SLC9A3: variants seen among roughly 807,000 people sequenced by gnomAD.
SLC9A3 encodes solute carrier family 9 member A3.
A neutral mutation model predicts 86.8 loss-of-function variants in SLC9A3; 37 were observed. The ratio of observed to expected loss-of-function variants is 0.43; its 90% CI spans 0.33 to 0.56. The LOEUF (loss-of-function observed/expected upper bound fraction) is 0.56. SLC9A3 is among the 20% of genes least tolerant of loss of function. SLC9A3 has a pLI of 0.06. For missense variants in SLC9A3, 1,011 were observed against 1,171.9 expected, an observed-to-expected ratio of 0.86 and a Z score of 2.00; for synonymous variants, 581 against 528.3, an observed-to-expected ratio of 1.10 and a Z score of -1.37.
chr5:485,166 G>T lies in SLC9A3; in HGVS notation c.741C>A (p.Cys247Ter). The change falls in exon 4 of 17, where the codon TGC (cysteine) becomes TGA (stop). Residue 247 changes from cysteine to a stop codon, truncating the protein, a stop_gained. Coordinates refer to ENST00000264938, the MANE Select transcript of SLC9A3 (RefSeq NM_004174.4). LOFTEE classifies it high-confidence loss of function. Reference sequence around the variant, plus strand: ...ACAGCTACACACCTATGCCCTTCACGCAGTCCACGCCAGTCACGTTGTCAC... The same window carrying T: ...ACAGCTACACACCTATGCCCTTCACTCAGTCCACGCCAGTCACGTTGTCAC... The part of the protein sequence containing the change: ...LGGDNVTGVD[C>*]VKGIVSFFVV... The T allele has an allele frequency of 6.2e-7, 1 of 1,613,164 alleles. No individual in the cohort carries two copies. The highest frequency in any genetic ancestry group is 8.5e-7 in the Non-Finnish European group (1 of 1,179,292).
At chr5:494,569 T>C (rs1739934435) in intron 1 of SLC9A3, among the ~76,000 whole-genome samples, 1 of 152,174 alleles carries the variant, frequency 6.6e-6, no homozygotes, top group Admixed American at 6.5e-5. Flanking sequence ...AGCCTCCTGA[T>C]TTTTTTAATA....
At position 492,046 on chromosome 5, in the gene SLC9A3, G is replaced by A. The variant is rs1352216296; in HGVS notation, c.237C>T (p.Thr79=). 1.9e-6 allele frequency: 3 copies of A among 1,545,054 alleles called. No homozygotes were observed. The highest frequency in any genetic ancestry group is 1.8e-6 in the Non-Finnish European group (2 of 1,142,546). Residue 79 remains threonine, a synonymous_variant, in exon 2 of 17, where the codon ACC becomes ACT. Transcript: ENST00000264938. ...KIGFHLSHKV[T]SVVPESALLI... is the part of the protein sequence containing the mutation. ...GCAGGGCGCTCTCGGGAACCACGCT[G>A]GTGACCTTGTGGGACAGGTGGAACC... is the stretch of plus-strand genomic sequence containing the variant.
At chr5:493,333 C>T (rs550772511) in intron 1 of SLC9A3, among the ~76,000 whole-genome samples, 3 of 152,346 alleles carry the variant, frequency 2.0e-5, no homozygotes, top group South Asian at 2.1e-4. Flanking sequence ...GCAGCGGGAG[C>T]GGGGAGGCTC....
chr5:512,135 A>T (rs4956947), intron 1 of SLC9A3, among the ~76,000 whole-genome samples: 1 of 152,178 alleles, frequency 6.6e-6, no homozygotes, highest in East Asian at 1.9e-4. Context: ...AGAGCACAGA[A>T]GATTTTTAGG....
chr5:521,242 G>A (rs1413749882), intron 1 of SLC9A3, among the ~76,000 whole-genome samples: 1 of 150,616 alleles, frequency 6.6e-6, no homozygotes, highest in East Asian at 1.9e-4. Flanking sequence ...AGCCAGACAC[G>A]CGGCCTGAGG....
intron 1 of SLC9A3, among the ~76,000 whole-genome samples, chr5:504,580 C>T (rs957530436): frequency 1.3e-5 from 2 of 152,316 alleles, no homozygotes; most frequent in African/African-American, 2.4e-5. Flanking sequence ...CTCACGGCCC[C>T]GCTGCCTCCT....
intron 1 of SLC9A3, among the ~76,000 whole-genome samples, chr5:512,713 TG>T (rs1733594167): frequency 6.6e-6 from 1 of 152,168 alleles, no homozygotes; most frequent in African/African-American, 2.4e-5. Context: ...CCGAAGCTGT[TG>T]GGGGGGCACT....
At chr5:481,491 C>T (rs1275407789) in intron 9 of SLC9A3, 74 bp downstream of exon 9, 3 of 1,279,680 alleles carry the variant, frequency 2.3e-6, no homozygotes, top group Admixed American at 1.7e-5. Flanking sequence ...CATGTGGCTT[C>T]TGGTTCTTCC....
At position 524,173 on chromosome 5, in the gene SLC9A3, G is replaced by T; in HGVS notation, c.150C>A (p.Ala50=). The T allele has an allele frequency of 6.5e-7, 1 of 1,548,644 alleles. No homozygotes were observed. The highest frequency in any genetic ancestry group is 8.7e-7 in the Non-Finnish European group (1 of 1,150,662). Residue 50 remains alanine, a synonymous_variant, in exon 1 of 17, where the codon GCC becomes GCA. Transcript: ENST00000264938. The part of the protein sequence containing the change: ...GGFQVVTFEW[A]HVQDPYVIAL... Reference sequence around the variant, plus strand: ...CGATGACGTAGGGATCCTGCACGTGGGCCCACTCGAAGGTGACCACCTGGA... The same window carrying T: ...CGATGACGTAGGGATCCTGCACGTGTGCCCACTCGAAGGTGACCACCTGGA...
Position 524,347 on chromosome 5 carries a change from G to A in SLC9A3, c.-25C>T. The A allele has an allele frequency of 9.3e-7, 1 of 1,081,026 alleles. No homozygotes were observed. Among genetic ancestry groups the A allele is most frequent in the Non-Finnish European group, 1.2e-6 (1 of 862,148 alleles). 67.0% of individuals were successfully genotyped at this position (1,081,026 alleles called of 1,614,324 possible). The stretch of plus-strand genomic sequence containing the variant: ...TTGCCGCCTGCTCAGCGCAGGGCTG[G>A]GACGCGCATGTCGCGGGGGGTCCCG... On this transcript the variant is annotated 5_prime_UTR_variant, in exon 1 of 17. Coordinates refer to ENST00000264938, the MANE Select transcript of SLC9A3 (RefSeq NM_004174.4).
rs1325840731 is a variant in SLC9A3 at position 475,633 on chromosome 5, C to T, written c.2179G>A (p.Asp727Asn). Residue 727 changes from aspartate to asparagine, a missense_variant, in exon 15 of 17, where the codon GAT (aspartate) becomes AAT (asparagine). This residue lies in a region of SLC9A3 where 397 missense variants were observed against 346.3 expected (regional missense o/e 1.15). Coordinates refer to ENST00000264938, the MANE Select transcript of SLC9A3 (RefSeq NM_004174.4). ...TCGATCCCCCCACTCATCTCCTCAT[C>T]ATAGTTGGGGGGCTCCTCGGTGTCT... Reference protein sequence around the residue: ...LSDTEEPPNYDEEMSGGIEFL... With the variant: ...LSDTEEPPNYNEEMSGGIEFL... 7 of 1,552,136 alleles carry T rather than the reference C, an allele frequency of 4.5e-6. No homozygotes were observed. In the Admixed American group the frequency reaches 1.2e-4, roughly 26 times the overall value.
chr5:483,075 C>T (rs1273295322), intron 6 of SLC9A3, among the ~76,000 whole-genome samples, 187 bp downstream of exon 6: 1 of 152,016 alleles, frequency 6.6e-6, no homozygotes, highest in Non-Finnish European at 1.5e-5. Context: ...AGTGGGAAAC[C>T]AAGTGGTTTC....
intron 3 of SLC9A3, among the ~76,000 whole-genome samples, chr5:487,824 C>T (rs559176156): frequency 6.7e-4 from 102 of 152,314 alleles, no homozygotes; most frequent in Non-Finnish European, 1.1e-3. Context: ...CGTGCCACCA[C>T]CCCTGGCTAA....
chr5:481,423 A>T, intron 9 of SLC9A3, 142 bp downstream of exon 9: 1 of 756,360 alleles, frequency 1.3e-6, no homozygotes, highest in Non-Finnish European at 2.3e-6. Context: ...CACACCTGGC[A>T]CCTGGCCTCA....
At chr5:483,239 G>A (rs1270348032) in intron 6 of SLC9A3, 23 bp downstream of exon 6, 6 of 1,521,032 alleles carry the variant, frequency 3.9e-6, no homozygotes, top group Non-Finnish European at 5.3e-6. Flanking sequence ...TGGTCCCACG[G>A]CCGCAACCCG....
chr5:512,840 G>A (rs902901285), intron 1 of SLC9A3, among the ~76,000 whole-genome samples: 61 of 152,250 alleles, frequency 4.0e-4, no homozygotes, highest in African/African-American at 1.4e-3. Context: ...CGGCACCCCT[G>A]GAGGAAGGGC....
chr5:506,806 G>T (rs377342015), intron 1 of SLC9A3, among the ~76,000 whole-genome samples: 64 of 152,018 alleles, frequency 4.2e-4, no homozygotes, highest in African/African-American at 1.5e-3. Context: ...GGTGGCTCAC[G>T]CCTGTAATCT....
Position 472,854 on chromosome 5 carries a change from T to C in SLC9A3, c.*525A>G. 2.0e-6 allele frequency: 1 copy of C among 507,956 alleles called. No homozygotes were observed. Among genetic ancestry groups the C allele is most frequent in the South Asian group, 1.6e-5 (1 of 61,364 alleles). The allele number at this position is 507,956 out of a possible 1,614,324, so 31.5% of individuals were successfully genotyped here. A position where few individuals can be genotyped will look rare whatever the true frequency, so the allele number is the denominator to read the frequency against. On this transcript the variant is annotated 3_prime_UTR_variant, in exon 17 of 17. Transcript: ENST00000264938. ...GGCTCGGTTGGGGGGGCCCGGAACC[T>C]TGGGCTGGTTTCACGCAAATCCGTT...
chr5:499,976 C>T (rs570867738), intron 1 of SLC9A3, among the ~76,000 whole-genome samples: 7 of 152,362 alleles, frequency 4.6e-5, no homozygotes, highest in East Asian at 1.9e-4. Context: ...CCACCACAGG[C>T]GCAGGGCACA....
Sources: gnomAD v4.1 joint callset for allele counts (sites outside exome capture counted in the v4.1 genomes callset) on GRCh38, gnomAD v4.1.1 for gene constraint, gnomAD v4.1.1 regional missense constraint, MANE v1.5 for transcripts, NCBI Gene and HGNC (gene_info 2026-07-23, HGNC 2026-07-21) for gene names.